ENTPD1: variants seen among roughly 807,000 people sequenced by gnomAD.
The protein encoded by ENTPD1 is ectonucleoside triphosphate diphosphohydrolase 1.
Under a neutral mutation model 57.0 loss-of-function variants are expected in ENTPD1, and 33 were observed. That is an observed-to-expected ratio of 0.58 (90% CI 0.44 to 0.77). The LOEUF is 0.77. Among genes scored for constraint, ENTPD1 ranks in the 30% least tolerant of loss-of-function variants. ENTPD1 has a pLI of 0.00. For missense variants in ENTPD1, 501 were observed against 603.4 expected (o/e 0.83, Z 1.78); for synonymous variants, 202 against 218.8 (o/e 0.92, Z 0.68).
At chr10:95,806,917 C>G (rs773749544) in intron 1 of ENTPD1, among the ~76,000 whole-genome samples, 1 of 152,180 alleles carries the variant, frequency 6.6e-6, no homozygotes, top group Non-Finnish European at 1.5e-5. Flanking sequence ...TATGAGGTGT[C>G]TGCTGGCCCC....
chr10:95,827,321 G>A (rs528698194), intron 2 of ENTPD1, among the ~76,000 whole-genome samples: 12 of 152,062 alleles, frequency 7.9e-5, no homozygotes, highest in Middle Eastern at 3.4e-3. Flanking sequence ...CGGGCGTGGT[G>A]GTAGGCACCT....
rs185645998 is a variant in ENTPD1, at chr10:95,871,597, G to A, written c.*5214G>A. On this transcript the variant is annotated 3_prime_UTR_variant, in exon 10 of 10. Transcript: ENST00000371205. ...TTCAATAGTGAGGAGGTGCCTCCAT[G>A]AGCCTTCTCTTTAGAAAAGTGGCAT... is the stretch of plus-strand genomic sequence containing the variant. 1.3e-4 allele frequency: 126 copies of A among 985,424 alleles called. No individual in the cohort carries two copies. In the African/African-American group the frequency reaches 2.1e-3, roughly 17 times the overall value. 61.0% of individuals were successfully genotyped at this position (985,424 alleles called of 1,614,324 possible). A position where few individuals can be genotyped will look rare whatever the true frequency, so the allele number is the denominator to read the frequency against.
chr10:95,869,247 T>TAA lies in ENTPD1; in HGVS notation c.*2864_*2865insAA. The TAA allele has an allele frequency of 2.3e-6, 1 of 441,040 alleles. No individual in the cohort carries two copies. Among genetic ancestry groups the TAA allele is most frequent in the Non-Finnish European group, 2.9e-6 (1 of 348,644 alleles). The allele number at this position is 441,040 out of a possible 1,614,324, so 27.3% of individuals were successfully genotyped here. ...AGATCAGCAGAAGTCATTACTTTTT[T>TAA]TTTTTTTTTTTTTTTTTTTTGAGAG... On this transcript the variant is annotated 3_prime_UTR_variant, in exon 10 of 10. Coordinates refer to ENST00000371205, the MANE Select transcript of ENTPD1 (RefSeq NM_001776.6).
At chr10:95,746,213 A>G (rs1453779010) in intron 1 of ENTPD1, among the ~76,000 whole-genome samples, 3 of 152,220 alleles carry the variant, frequency 2.0e-5, no homozygotes, top group African/African-American at 7.2e-5. Context: ...ATTAGTGCAT[A>G]GTGAAGAGGA....
At chr10:95,740,138 T>G (rs1459385942) in intron 1 of ENTPD1, among the ~76,000 whole-genome samples, 1 of 152,182 alleles carries the variant, frequency 6.6e-6, no homozygotes, top group Non-Finnish European at 1.5e-5. Flanking sequence ...ACATAATCCT[T>G]TTTGTTTTTG....
chr10:95,697,364 G>A, the ENTPD1 span, among the ~76,000 whole-genome samples: 3 of 152,096 alleles, frequency 2.0e-5, no homozygotes, highest in African/African-American at 4.8e-5. Flanking sequence ...TGCCCTGGAT[G>A]GCTTCTGACA....
chr10:95,723,387 A>G (rs1036707181), intron 1 of ENTPD1, among the ~76,000 whole-genome samples: 1 of 151,682 alleles, frequency 6.6e-6, no homozygotes, highest in Non-Finnish European at 1.5e-5. Context: ...GGTGGTGGGG[A>G]ATGGGTCTCA....
chr10:95,774,759 T>TAGTG (rs1300652434), intron 1 of ENTPD1, among the ~76,000 whole-genome samples: 1 of 152,212 alleles, frequency 6.6e-6, no homozygotes, highest in Non-Finnish European at 1.5e-5. Context: ...TGAAGTCAGG[T>TAGTG]AGTGTGATGC....
At position 95,864,871 on chromosome 10, in the gene ENTPD1, G is replaced by T; in HGVS notation, c.1326+10G>T. ...CCATTTCATTGGCAAGGTAATTTGG[G>T]GGCCTGTTGGGCTGGGGGGAGGTTG... is the stretch of plus-strand genomic sequence containing the variant. On this transcript the variant is annotated intron_variant, in intron 9 of 9. Coordinates refer to ENST00000371205, the MANE Select transcript of ENTPD1 (RefSeq NM_001776.6). The T allele has an allele frequency of 1.2e-6, 2 of 1,612,754 alleles. No homozygotes were observed. The highest frequency in any genetic ancestry group is 1.9e-4 in the Middle Eastern group (1 of 5,278).
chr10:95,703,643 G>C, the ENTPD1 span, among the ~76,000 whole-genome samples: 2 of 151,802 alleles, frequency 1.3e-5, no homozygotes, highest in African/African-American at 2.4e-5. Flanking sequence ...TTAGCCAGGC[G>C]TGGTGGCAGG....
chr10:95,720,993 A>G (rs1464771046), intron 1 of ENTPD1, among the ~76,000 whole-genome samples: 4 of 152,092 alleles, frequency 2.6e-5, no homozygotes, highest in East Asian at 3.9e-4. Flanking sequence ...GCCAAGTTCA[A>G]TAGGGTTTTT....
intron 1 of ENTPD1, among the ~76,000 whole-genome samples, chr10:95,807,513 C>T (rs1433907556): frequency 6.6e-6 from 1 of 152,240 alleles, no homozygotes; most frequent in African/African-American, 2.4e-5. Flanking sequence ...CTGTGGGCTG[C>T]ACCCGTTGTC....
In ENTPD1 at chr10:95,864,741, T is replaced by C; in HGVS notation, c.1206T>C (p.Ala402=). ...QPWEEIKTSY[A]GVKEKYLSEY... ...ACTTCTAGATAAAAACATCTTACGC[T>C]GGAGTAAAGGAGAAGTACCTGAGTG... Residue 402 remains alanine, a synonymous_variant, in exon 9 of 10, where the codon GCT becomes GCC. Coordinates refer to ENST00000371205, the MANE Select transcript of ENTPD1 (RefSeq NM_001776.6). The C allele has an allele frequency of 1.2e-6, 2 of 1,614,138 alleles. No homozygotes were observed. Among genetic ancestry groups the C allele is most frequent in the Non-Finnish European group, 1.7e-6 (2 of 1,180,030 alleles).
intron 1 of ENTPD1, among the ~76,000 whole-genome samples, chr10:95,747,985 C>A (rs1484374050): frequency 2.6e-5 from 4 of 152,020 alleles, no homozygotes; most frequent in African/African-American, 9.7e-5. Flanking sequence ...CATTCTGTCA[C>A]CTCAGCCTCC....
intron 1 of ENTPD1, among the ~76,000 whole-genome samples, chr10:95,762,275 T>C (rs946277760): frequency 6.6e-6 from 1 of 151,500 alleles, no homozygotes; most frequent in Admixed American, 6.6e-5. Flanking sequence ...CATTGCTTTA[T>C]GTCCGTGAGG....
chr10:95,722,520 A>G (rs2097978630), intron 1 of ENTPD1, among the ~76,000 whole-genome samples: 1 of 152,128 alleles, frequency 6.6e-6, no homozygotes, highest in Non-Finnish European at 1.5e-5. Context: ...ATTGGAAATC[A>G]TCATTCTCAG....
chr10:95,700,423 C>G, the ENTPD1 span, among the ~76,000 whole-genome samples: 1 of 152,082 alleles, frequency 6.6e-6, no homozygotes, highest in Non-Finnish European at 1.5e-5. Flanking sequence ...AGTCTCAGCA[C>G]TTTGAGAGGC....
At chr10:95,707,641 G>T (rs2097963064), upstream of ENTPD1, among the ~76,000 whole-genome samples, 1 of 152,212 alleles carries the variant, frequency 6.6e-6, no homozygotes, top group Non-Finnish European at 1.5e-5. Flanking sequence ...GTCTTGCTCT[G>T]TGTCTCAGGC....
At chr10:95,832,882 C>G (rs1480099237) in intron 2 of ENTPD1, among the ~76,000 whole-genome samples, 1 of 152,182 alleles carries the variant, frequency 6.6e-6, no homozygotes. Flanking sequence ...CATCAGAGGT[C>G]CTCAATGGAG....
Sources: allele counts gnomAD v4.1 joint callset (sites outside exome capture counted in the v4.1 genomes callset), GRCh38; gene constraint gnomAD v4.1.1; transcripts MANE v1.5; gene names NCBI Gene and HGNC (gene_info 2026-07-23, HGNC 2026-07-21).